Variants in EPHB1 observed in about 807,000 individuals in gnomAD.
EPHB1 encodes ephrin type-B receptor 1.
A neutral mutation model predicts 94.4 loss-of-function variants in EPHB1; 30 were observed. The ratio of observed to expected loss-of-function variants is 0.32; its 90% CI spans 0.24 to 0.43. The LOEUF (loss-of-function observed/expected upper bound fraction) is 0.43, where lower values mean the gene tolerates loss of function less well. EPHB1 is among the 20% of genes least tolerant of loss of function. The probability of loss-of-function intolerance (pLI) is 1.00; values close to 1 mark genes in which losing one functional copy is unlikely to be tolerated. For missense variants in EPHB1, 1,055 were observed against 1,308.3 expected (o/e 0.81, Z 2.99); for synonymous variants, 522 against 489.1 (o/e 1.07, Z -0.89).
At chr3:134,855,135 C>T (rs2037084395) in intron 1 of EPHB1, among the ~76,000 whole-genome samples, 1 of 152,148 alleles carries the variant, frequency 6.6e-6, no homozygotes, top group African/African-American at 2.4e-5. Flanking sequence ...TATATTTTAC[C>T]TGTTTGCTTA....
chr3:135,192,550 T>C (rs368863210), intron 10 of EPHB1, 26 bp from the exon 11 acceptor site: 2 of 1,610,664 alleles, frequency 1.2e-6, no homozygotes, highest in African/African-American at 2.7e-5. Context: ...AGGAAGAGGA[T>C]ATTAATGGCA....
intron 3 of EPHB1, among the ~76,000 whole-genome samples, chr3:135,002,384 C>T (rs529141405): frequency 1.3e-3 from 197 of 152,278 alleles, no homozygotes; most frequent in Admixed American, 4.8e-3. Flanking sequence ...CATCAATGTT[C>T]ATCAAGGATA....
At chr3:134,941,006 T>C (rs2039104754) in intron 2 of EPHB1, among the ~76,000 whole-genome samples, 2 of 152,212 alleles carry the variant, frequency 1.3e-5, no homozygotes, top group South Asian at 2.1e-4. Context: ...ATTATTTCTA[T>C]TCCTGTCTTA....
intron 14 of EPHB1, 128 bp from the exon 15 acceptor site, chr3:135,249,208 A>T: frequency 9.0e-7 from 1 of 1,106,298 alleles, no homozygotes; most frequent in Middle Eastern, 3.1e-4. Context: ...GGTTCAGCCC[A>T]GGGCTCCACT....
intron 3 of EPHB1, among the ~76,000 whole-genome samples, chr3:134,958,449 T>TGA (rs1187068906): frequency 2.1e-5 from 3 of 146,088 alleles, no homozygotes; most frequent in Non-Finnish European, 4.5e-5. Context: ...TGTGTGTGTG[T>TGA]GAGGCCTCAG....
At chr3:134,970,656 C>T (rs901739380) in intron 3 of EPHB1, among the ~76,000 whole-genome samples, 7 of 152,190 alleles carry the variant, frequency 4.6e-5, no homozygotes, top group South Asian at 4.2e-4. Flanking sequence ...GTGATTAGCA[C>T]GTATTTGAAG....
intron 9 of EPHB1, among the ~76,000 whole-genome samples, chr3:135,178,129 G>A (rs1475383687): frequency 2.0e-5 from 3 of 151,714 alleles, no homozygotes; most frequent in East Asian, 3.9e-4. Flanking sequence ...ACTGTTCTGG[G>A]CAGGGCACCT....
chr3:135,050,637 G>A (rs574100139), intron 3 of EPHB1, among the ~76,000 whole-genome samples: 1 of 152,236 alleles, frequency 6.6e-6, no homozygotes, highest in African/African-American at 2.4e-5. Context: ...AATAGGAGGT[G>A]TTTTCGTCAT....
chr3:135,007,218 A>G (rs1935450224), intron 3 of EPHB1, among the ~76,000 whole-genome samples: 1 of 152,218 alleles, frequency 6.6e-6, no homozygotes, highest in Non-Finnish European at 1.5e-5. Flanking sequence ...TGCCTAACGC[A>G]GTAGCAATTC....
At chr3:134,959,028 C>G (rs1478546282) in intron 3 of EPHB1, among the ~76,000 whole-genome samples, 1 of 152,140 alleles carries the variant, frequency 6.6e-6, no homozygotes, top group Non-Finnish European at 1.5e-5. Context: ...TGGCAGCGTC[C>G]CATGCATGAG....
intron 2 of EPHB1, among the ~76,000 whole-genome samples, chr3:134,933,553 A>AG (rs1308483237): frequency 6.6e-6 from 1 of 152,172 alleles, no homozygotes; most frequent in Non-Finnish European, 1.5e-5. Flanking sequence ...AGGTAGGAAA[A>AG]AAAAAATCTA....
chr3:134,990,371 A>C (rs1934753247), intron 3 of EPHB1, among the ~76,000 whole-genome samples: 1 of 152,160 alleles, frequency 6.6e-6, no homozygotes. Context: ...TTTTTATTAT[A>C]AGCTCTCTGA....
At chr3:134,924,144 C>T (rs1334530957) in intron 1 of EPHB1, among the ~76,000 whole-genome samples, 1 of 152,158 alleles carries the variant, frequency 6.6e-6, no homozygotes, top group Non-Finnish European at 1.5e-5. Flanking sequence ...TTAACTTGAA[C>T]CATAGACCTA....
intron 11 of EPHB1, among the ~76,000 whole-genome samples, chr3:135,199,715 T>C (rs1942707855): frequency 6.6e-6 from 1 of 152,230 alleles, no homozygotes; most frequent in South Asian, 2.1e-4. Context: ...CCCCAGAACA[T>C]GGATCCAGGC....
intron 3 of EPHB1, among the ~76,000 whole-genome samples, chr3:135,008,018 C>G (rs1035589212): frequency 6.6e-6 from 1 of 152,144 alleles, no homozygotes; most frequent in African/African-American, 2.4e-5. Flanking sequence ...GGCTCAAATG[C>G]TCTGCTGAAA....
intron 1 of EPHB1, among the ~76,000 whole-genome samples, chr3:134,815,686 A>G (rs1578108059): frequency 6.6e-6 from 1 of 152,234 alleles, no homozygotes; most frequent in Non-Finnish European, 1.5e-5. Context: ...TATTCCCACA[A>G]TGCTGTGGAG....
Position 134,953,620 on chromosome 3 carries a change from C to A in EPHB1, c.805+1568C>A, listed in dbSNP as rs143742932. Among the ~76,000 whole-genome samples, 3 of 152,310 alleles carry A rather than the reference C, an allele frequency of 2.0e-5. No homozygotes were observed. In the South Asian group the frequency reaches 6.2e-4, roughly 32 times the overall value. Reference sequence around the variant, plus strand: ...CAGCTTCCCGGCATGCTTGCAGCAGCGCATGGTGGGTGATTTCTTTGGTTT... The same window carrying A: ...CAGCTTCCCGGCATGCTTGCAGCAGAGCATGGTGGGTGATTTCTTTGGTTT... On this transcript the variant is annotated intron_variant, in intron 3 of 15. Transcript: ENST00000398015.
rs748442196 is a variant in EPHB1 at position 135,106,476 on chromosome 3, C to A, written c.834C>A (p.Ser278Arg). The change falls in exon 4 of 16, where the codon AGC becomes AGA. Residue 278 changes from serine to arginine, a missense_variant. Coordinates refer to ENST00000398015, the MANE Select transcript of EPHB1 (RefSeq NM_004441.5). ...KACPAGTFKASQEAEGCSHCP... is the reference protein window; with the variant it reads ...KACPAGTFKARQEAEGCSHCP... ...GCCCTGCAGGGACATTCAAGGCCAG[C>A]CAGGAAGCTGAAGGCTGCTCCCACT... The A allele has an allele frequency of 2.5e-6, 4 of 1,614,006 alleles. No homozygotes were observed. The highest frequency in any genetic ancestry group is 3.4e-6 in the Non-Finnish European group (4 of 1,179,892).
intron 9 of EPHB1, among the ~76,000 whole-genome samples, chr3:135,167,429 G>T (rs867217442): frequency 6.6e-6 from 1 of 152,308 alleles, no homozygotes; most frequent in South Asian, 2.1e-4. Context: ...GAACATGAAG[G>T]TAGGGAATTA....
Sources: allele counts gnomAD v4.1 joint callset (sites outside exome capture counted in the v4.1 genomes callset), GRCh38; gene constraint gnomAD v4.1.1; transcripts MANE v1.5; gene names NCBI Gene and HGNC (gene_info 2026-07-23, HGNC 2026-07-21).